Variants in GRID1 observed in about 807,000 individuals in gnomAD.
GRID1 encodes glutamate ionotropic receptor delta type subunit 1, also known as glutamate receptor ionotropic, delta-1.
Under a neutral mutation model 98.0 loss-of-function variants are expected in GRID1, and 28 were observed. The observed-to-expected ratio is 0.29, with a 90% CI of 0.21 to 0.39. GRID1 has a LOEUF of 0.39. GRID1 is among the 10% of genes least tolerant of loss of function. The pLI, the probability that GRID1 is intolerant of heterozygous loss-of-function variation, is 1.00. For missense variants in GRID1, 1,111 were observed against 1,340.5 expected (o/e 0.83, Z 2.67); for synonymous variants, 553 against 538.5 (o/e 1.03, Z -0.37).
intron 2 of GRID1, among the ~76,000 whole-genome samples, chr10:86,245,958 T>G (rs1846719923): frequency 6.6e-6 from 1 of 152,186 alleles, no homozygotes; most frequent in South Asian, 2.1e-4. Flanking sequence ...GTCAAGAGTG[T>G]GCACGCATAC....
At chr10:86,129,746 A>G (rs989256857) in intron 4 of GRID1, among the ~76,000 whole-genome samples, 4 of 152,208 alleles carry the variant, frequency 2.6e-5, no homozygotes, top group African/African-American at 9.7e-5. Context: ...CCTATGCTAG[A>G]TGGACAACAA....
At position 85,602,245 on chromosome 10, in the gene GRID1, AG is replaced by A. The variant is rs1327477614; in HGVS notation, c.*27del. ...AAGCTCTGCTGGTCGGGTGGGTGGG[AG>A]GGTGGGCAGGAGGGCAGGCGGCGCA... On this transcript the variant is annotated 3_prime_UTR_variant, in exon 16 of 16. Transcript: ENST00000327946. 1 of 766,090 alleles carries A rather than the reference AG, an allele frequency of 1.3e-6. No individual in the cohort carries two copies. The highest frequency in any genetic ancestry group is 6.7e-5 in the Admixed American group (1 of 14,886). The allele number at this position is 766,090 out of a possible 1,614,324, so 47.5% of individuals were successfully genotyped here.
intron 12 of GRID1, among the ~76,000 whole-genome samples, chr10:85,711,858 G>T (rs1564567278): frequency 6.6e-6 from 1 of 151,666 alleles, no homozygotes; most frequent in African/African-American, 2.4e-5. Context: ...TAAGGTCAGG[G>T]TGTAGGTGGA....
In GRID1 at chr10:86,117,390, C is replaced by A. The variant is rs576135225; in HGVS notation, c.726+21429G>T. 2.6e-5 allele frequency among the ~76,000 whole-genome samples: 4 copies of A among 151,974 alleles called. No individual in the cohort carries two copies. In the East Asian group the frequency reaches 5.8e-4, roughly 22 times the overall value. On this transcript the variant is annotated intron_variant, in intron 4 of 15. Coordinates refer to ENST00000327946, the MANE Select transcript of GRID1 (RefSeq NM_017551.3). ...ATCACCAACACCATCATGATCAACA[C>A]CAACATCACCACCAACACCATCACT...
chr10:85,769,819 G>A (rs1842238544), intron 8 of GRID1, among the ~76,000 whole-genome samples: 1 of 152,244 alleles, frequency 6.6e-6, no homozygotes, highest in Non-Finnish European at 1.5e-5. Flanking sequence ...CAAAGCAGCA[G>A]GGAAGCTCCA....
chr10:86,012,381 T>G (rs6585992), intron 4 of GRID1, among the ~76,000 whole-genome samples: 105,443 of 151,944 alleles, frequency 0.69, 36,964 homozygotes, highest in African/African-American at 0.8. Context: ...AGCACCTAGG[T>G]AATCGGCAGA....
At chr10:85,615,692 T>A (rs1842780265) in intron 14 of GRID1, among the ~76,000 whole-genome samples, 1 of 152,186 alleles carries the variant, frequency 6.6e-6, no homozygotes, top group East Asian at 1.9e-4. Flanking sequence ...CACCACATGG[T>A]GAACTGGACA....
chr10:85,646,995 G>A, intron 13 of GRID1: 1 of 601,504 alleles, frequency 1.7e-6, no homozygotes, highest in Non-Finnish European at 3.0e-6. Flanking sequence ...TCCCCAGCCA[G>A]CACCACTCTA....
At chr10:86,177,397 C>A (rs117515962) in intron 3 of GRID1, among the ~76,000 whole-genome samples, 53 of 151,942 alleles carry the variant, frequency 3.5e-4, no homozygotes, top group African/African-American at 1.1e-3. Context: ...AGAGAGAGAT[C>A]CCAGTGTGTG....
At chr10:85,808,169 CT>C (rs1322986251) in intron 8 of GRID1, among the ~76,000 whole-genome samples, 1 of 152,082 alleles carries the variant, frequency 6.6e-6, no homozygotes, top group East Asian at 1.9e-4. Flanking sequence ...AAGGTTACTC[CT>C]GCAATAACAA....
chr10:85,812,760 C>G lies in GRID1; in HGVS notation c.1233+41736G>C, dbSNP rs550477668. On this transcript the variant is annotated intron_variant, in intron 8 of 15. Transcript: ENST00000327946. ...TCTCTCTCTCTCTCTCTCCCTCCCC[C>G]CAATCTCTCTCTTTCACTACATATT... Among the ~76,000 whole-genome samples, 193 of 151,704 alleles carry G rather than the reference C, an allele frequency of 1.3e-3. 1 individual carries two copies. Among genetic ancestry groups the G allele is most frequent in the African/African-American group, 4.5e-3 (186 of 41,366 alleles).
intron 8 of GRID1, among the ~76,000 whole-genome samples, chr10:85,782,179 A>G (rs1842387440): frequency 6.6e-6 from 1 of 152,192 alleles, no homozygotes; most frequent in South Asian, 2.1e-4. Flanking sequence ...AATAATACCA[A>G]TTACGACACT....
At chr10:86,235,419 A>G (rs1258833523) in intron 2 of GRID1, among the ~76,000 whole-genome samples, 3 of 152,250 alleles carry the variant, frequency 2.0e-5, no homozygotes, top group Non-Finnish European at 4.4e-5. Context: ...ACTACATACT[A>G]TGAAATTCAC....
chr10:85,932,745 C>T (rs1202652695), intron 4 of GRID1, among the ~76,000 whole-genome samples: 10 of 152,202 alleles, frequency 6.6e-5, no homozygotes, highest in Non-Finnish European at 1.5e-4. Flanking sequence ...CTTAAGCTAA[C>T]TAGAGCAGGC....
chr10:85,777,883 G>A (rs573073407), intron 8 of GRID1, among the ~76,000 whole-genome samples: 4 of 152,296 alleles, frequency 2.6e-5, no homozygotes, highest in Admixed American at 2.0e-4. Context: ...ACTCTTGTAC[G>A]CAGAAATTTA....
intron 3 of GRID1, among the ~76,000 whole-genome samples, chr10:86,170,048 C>T (rs1265009213): frequency 3.3e-5 from 5 of 152,232 alleles, no homozygotes; most frequent in African/African-American, 7.2e-5. Flanking sequence ...GGCCTTTCCG[C>T]CCATCCTTAA....
At chr10:86,250,072 G>A (rs1225697130) in intron 2 of GRID1, among the ~76,000 whole-genome samples, 1 of 152,062 alleles carries the variant, frequency 6.6e-6, no homozygotes, top group African/African-American at 2.4e-5. Flanking sequence ...TAGCTGGGTG[G>A]GTGGATAGAT....
chr10:86,038,055 C>T (rs1379088310), intron 4 of GRID1, among the ~76,000 whole-genome samples: 1 of 152,016 alleles, frequency 6.6e-6, no homozygotes, highest in Non-Finnish European at 1.5e-5. Flanking sequence ...TAAGGAAGAT[C>T]GCATGAAGAC....
At chr10:86,116,584 A>G (rs1282973837) in intron 4 of GRID1, among the ~76,000 whole-genome samples, 1 of 152,232 alleles carries the variant, frequency 6.6e-6, no homozygotes, top group Non-Finnish European at 1.5e-5. Flanking sequence ...TAGGGCTGAG[A>G]GTACCTCTGA....
Sources: allele counts gnomAD v4.1 joint callset (sites outside exome capture counted in the v4.1 genomes callset), GRCh38; gene constraint gnomAD v4.1.1; transcripts MANE v1.5; gene names NCBI Gene and HGNC (gene_info 2026-07-23, HGNC 2026-07-21).